SCTR: variants seen among roughly 807,000 people sequenced by gnomAD.
SCTR encodes secretin receptor.
SCTR carries 56 observed loss-of-function variants against 60.8 expected under a neutral mutation model. The observed-to-expected ratio is 0.92, with a 90% CI of 0.74 to 1.15. The LOEUF (loss-of-function observed/expected upper bound fraction) is 1.15, where lower values mean the gene tolerates loss of function less well. SCTR is among the 50% of genes most tolerant of loss of function. The probability of loss-of-function intolerance (pLI) is 0.00; values close to 1 mark genes in which losing one functional copy is unlikely to be tolerated. For synonymous variants in SCTR, 202 were observed against 217.0 expected, an observed-to-expected ratio of 0.93 and a Z score of 0.61; for missense variants, 562 against 550.4, an observed-to-expected ratio of 1.02 and a Z score of -0.21.
chr2:119,473,568 A>C lies in SCTR; in HGVS notation c.302-12T>G. 1 of 1,585,704 alleles carries C rather than the reference A, an allele frequency of 6.3e-7. No individual in the cohort carries two copies. Among genetic ancestry groups the C allele is most frequent in the Non-Finnish European group, 8.7e-7 (1 of 1,154,204 alleles). On this transcript the variant is annotated splice_polypyrimidine_tract_variant and intron_variant, in intron 3 of 12. Transcript: ENST00000019103. Reference sequence around the variant, plus strand: ...TCGGAACAAGGAACCTGTGGGTGCCAAGAGTCCTGTAGGTGAGCCATGGGC... The same window carrying C: ...TCGGAACAAGGAACCTGTGGGTGCCCAGAGTCCTGTAGGTGAGCCATGGGC...
intron 2 of SCTR, chr2:119,487,025 T>C (rs963909875): frequency 1.3e-5 from 2 of 152,134 alleles, no homozygotes; most frequent in Non-Finnish European, 1.5e-5. Flanking sequence ...TCAAGAACAT[T>C]ATTCTCGGCA....
At chr2:119,484,300 C>T (rs1677766104) in intron 2 of SCTR, among the ~76,000 whole-genome samples, 1 of 152,156 alleles carries the variant, frequency 6.6e-6, no homozygotes, top group Non-Finnish European at 1.5e-5. Context: ...CCTCTGTCGT[C>T]TCTGATGGCC....
intron 8 of SCTR, among the ~76,000 whole-genome samples, chr2:119,452,325 A>G (rs546627376): frequency 3.3e-5 from 5 of 152,230 alleles, no homozygotes; most frequent in Non-Finnish European, 5.9e-5. Context: ...TCCCAGATCC[A>G]AAAGTTAGCT....
intron 1 of SCTR, among the ~76,000 whole-genome samples, chr2:119,502,933 T>G (rs557321912): frequency 6.6e-6 from 1 of 151,338 alleles, no homozygotes; most frequent in Admixed American, 6.6e-5. Flanking sequence ...AGGTAGATCA[T>G]GAGGTCAGGA....
chr2:119,463,373 G>A (rs1683695286), intron 6 of SCTR, among the ~76,000 whole-genome samples: 1 of 152,092 alleles, frequency 6.6e-6, no homozygotes, highest in African/African-American at 2.4e-5. Context: ...TCTCCTTCTT[G>A]CCTGGAACAC....
At chr2:119,495,715 G>A (rs1450052788) in intron 1 of SCTR, among the ~76,000 whole-genome samples, 1 of 152,162 alleles carries the variant, frequency 6.6e-6, no homozygotes, top group Non-Finnish European at 1.5e-5. Context: ...TATCGGAAAG[G>A]ATCTACCAGC....
At chr2:119,456,347 A>G (rs1243884782) in intron 7 of SCTR, among the ~76,000 whole-genome samples, 1 of 152,156 alleles carries the variant, frequency 6.6e-6, no homozygotes, top group East Asian at 1.9e-4. Context: ...GGTGTGAGCC[A>G]CTGTGCCTGG....
At chr2:119,463,381 C>T (rs1683695679) in intron 6 of SCTR, among the ~76,000 whole-genome samples, 1 of 152,158 alleles carries the variant, frequency 6.6e-6, no homozygotes, top group Admixed American at 6.5e-5. Flanking sequence ...TTGCCTGGAA[C>T]ACAGACAGGA....
intron 1 of SCTR, among the ~76,000 whole-genome samples, chr2:119,522,915 A>C (rs1035827556): frequency 6.6e-6 from 1 of 152,202 alleles, no homozygotes; most frequent in African/African-American, 2.4e-5. Context: ...TGAAGAGAGG[A>C]GGCTCCACGG....
intron 10 of SCTR, among the ~76,000 whole-genome samples, chr2:119,447,342 C>G (rs574303432): frequency 6.6e-6 from 1 of 152,258 alleles, no homozygotes; most frequent in African/African-American, 2.4e-5. Context: ...CCAGTTAAAT[C>G]TGAATTTCAG....
In SCTR at chr2:119,460,802, C is replaced by T. The variant is rs147121366; in HGVS notation, c.790+1045G>A. ...CTCCCTCTTTCCTAGACAATGAATCCCGAATTTCCTTTAGGAAGTCATGTG... is the reference window on the plus strand; with the variant it reads ...CTCCCTCTTTCCTAGACAATGAATCTCGAATTTCCTTTAGGAAGTCATGTG... On this transcript the variant is annotated intron_variant, in intron 7 of 12. Transcript: ENST00000019103. Among the ~76,000 whole-genome samples, 1,276 of 152,262 alleles carry T rather than the reference C, an allele frequency of 8.4e-3. 11 individuals carry two copies. Among genetic ancestry groups the T allele is most frequent in the Non-Finnish European group, 0.014 (960 of 68,026 alleles).
chr2:119,516,708 C>A (rs928823729), intron 1 of SCTR, among the ~76,000 whole-genome samples: 5 of 152,058 alleles, frequency 3.3e-5, no homozygotes, highest in African/African-American at 1.2e-4. Context: ...GCCTATAATC[C>A]CAGCACTTGG....
rs151048715 is a variant in SCTR, at chr2:119,505,921, T to G, written c.73-11373A>C. ...AAGCACATGAACATGTATTCAACAT[T>G]ATTAGCTATTAGGTAAATCCAAATT... On this transcript the variant is annotated intron_variant, in intron 1 of 12. Coordinates refer to ENST00000019103, the MANE Select transcript of SCTR (RefSeq NM_002980.3). 1.6e-4 allele frequency among the ~76,000 whole-genome samples: 25 copies of G among 152,262 alleles called. 1 individual carries two copies. Among genetic ancestry groups the G allele is most frequent in the Non-Finnish European group, 3.1e-4 (21 of 68,022 alleles).
chr2:119,490,592 A>G (rs1678076056), intron 2 of SCTR, among the ~76,000 whole-genome samples: 1 of 151,890 alleles, frequency 6.6e-6, no homozygotes, highest in Admixed American at 6.6e-5. Flanking sequence ...CCTTCCTCCA[A>G]TTGCTCAAGT....
In SCTR at chr2:119,464,244, C is replaced by T; in HGVS notation, c.515G>A (p.Cys172Tyr). ...GILCAFRRLH[C>Y]TRNYIHMHLF... ...GTGCATGTGGATGTAGTTGCGAGTG[C>T]AGTGGAGCCTCCTGCAGGGAGAGAA... The change falls in exon 6 of 13, where the codon TGC becomes TAC. Residue 172 changes from cysteine to tyrosine, a missense_variant. Transcript: ENST00000019103. 1.2e-6 allele frequency: 2 copies of T among 1,614,166 alleles called. No homozygotes were observed. Among genetic ancestry groups the T allele is most frequent in the Non-Finnish European group, 1.7e-6 (2 of 1,180,034 alleles).
At chr2:119,521,516 G>C (rs554404429) in intron 1 of SCTR, among the ~76,000 whole-genome samples, 1 of 152,120 alleles carries the variant, frequency 6.6e-6, no homozygotes, top group Non-Finnish European at 1.5e-5. Context: ...GTTCTCATGA[G>C]ATGTATGGGG....
intron 1 of SCTR, among the ~76,000 whole-genome samples, chr2:119,502,020 C>T (rs772141296): frequency 3.3e-5 from 5 of 152,142 alleles, no homozygotes; most frequent in Non-Finnish European, 5.9e-5. Flanking sequence ...CTTTGGGCGG[C>T]CAAGGTAGGT....
intron 2 of SCTR, chr2:119,480,563 C>T (rs2104855512): frequency 6.6e-6 from 1 of 152,320 alleles, no homozygotes; most frequent in East Asian, 1.9e-4. Context: ...ATGCTATGAA[C>T]CAGTGATAAG....
chr2:119,488,952 C>T (rs1050649507), intron 2 of SCTR, among the ~76,000 whole-genome samples: 10 of 152,186 alleles, frequency 6.6e-5, no homozygotes, highest in Non-Finnish European at 2.9e-5. Flanking sequence ...CAGCCCTGCT[C>T]ATTTCGTCAG....
Sources: gnomAD v4.1 joint callset for allele counts (sites outside exome capture counted in the v4.1 genomes callset) on GRCh38, gnomAD v4.1.1 for gene constraint, MANE v1.5 for transcripts, NCBI Gene and HGNC (gene_info 2026-07-23, HGNC 2026-07-21) for gene names.